ABHD5: variants seen among roughly 807,000 people sequenced by gnomAD.
The protein encoded by ABHD5 is 1-acylglycerol-3-phosphate O-acyltransferase ABHD5.
Under a neutral mutation model 44.9 loss-of-function variants are expected in ABHD5, and 30 were observed. That is an observed-to-expected ratio of 0.67 (90% CI 0.50 to 0.91). ABHD5 has a LOEUF of 0.91. Ranked by LOEUF, ABHD5 falls within the 40% of genes least tolerant of loss-of-function variation. The pLI is 0.00. For synonymous variants in ABHD5, 167 were observed against 147.0 expected (o/e 1.14, Z -0.99); for missense variants, 399 against 423.4 (o/e 0.94, Z 0.50).
Position 43,691,000 on chromosome 3 carries a change from C to CGGAGGA in ABHD5, c.17_22dup (p.Glu6_Glu7dup). The CGGAGGA allele has an allele frequency of 1.9e-6, 3 of 1,571,488 alleles. No individual in the cohort carries two copies. Among genetic ancestry groups the CGGAGGA allele is most frequent in the South Asian group, 2.3e-5 (2 of 86,988 alleles). ...GCTTGCGCGGCGGCGGCTATGGCGG[C>CGGAGGA]GGAGGAGGAGGAGGTGGACTCTGCC... On this transcript the variant is annotated inframe_insertion, in exon 1 of 7. Coordinates refer to ENST00000644371, the MANE Select transcript of ABHD5 (RefSeq NM_016006.6).
intron 7 of ABHD5, among the ~76,000 whole-genome samples, chr3:43,731,300 G>A (rs2084911421): frequency 6.6e-6 from 1 of 152,224 alleles, no homozygotes; most frequent in South Asian, 2.1e-4. Context: ...AGGAGACATA[G>A]AAAGTTTCAA....
intron 5 of ABHD5, 71 bp from the exon 6 acceptor site, chr3:43,717,600 A>G: frequency 6.7e-7 from 1 of 1,496,194 alleles, no homozygotes; most frequent in Admixed American, 1.7e-5. Context: ...ATGTGTTTTG[A>G]TAGAAGTGAC....
At chr3:43,700,825 C>T (rs543407380) in intron 2 of ABHD5, among the ~76,000 whole-genome samples, 13 of 152,174 alleles carry the variant, frequency 8.5e-5, no homozygotes, top group African/African-American at 2.9e-4. Context: ...CCACCTGCCT[C>T]GGCCTCCCAA....
intron 3 of ABHD5, among the ~76,000 whole-genome samples, chr3:43,705,639 T>C (rs2084609017): frequency 6.6e-6 from 1 of 152,226 alleles, no homozygotes; most frequent in Non-Finnish European, 1.5e-5. Context: ...TTGTAGCATA[T>C]AATATAGGAA....
chr3:43,694,748 T>C (rs1014475871), intron 1 of ABHD5, among the ~76,000 whole-genome samples: 1 of 152,180 alleles, frequency 6.6e-6, no homozygotes, highest in African/African-American at 2.4e-5. Context: ...TATTAATTAA[T>C]GTGTTAACAT....
Position 43,708,800 on chromosome 3 carries a change from C to A in ABHD5, c.507-2909C>A, listed in dbSNP as rs1431066356. ...ATGTTCAAACTTTTTTTACTATAGC[C>A]CTTCTATATTGTTTGGAATAGAAAA... On this transcript the variant is annotated intron_variant, in intron 3 of 6. Transcript: ENST00000644371. Among the ~76,000 whole-genome samples, 28 of 151,926 alleles carry A rather than the reference C, an allele frequency of 1.8e-4. 1 individual carries two copies. Among genetic ancestry groups the A allele is most frequent in the Non-Finnish European group, 4.4e-5 (3 of 67,966 alleles).
chr3:43,702,715 C>G (rs903318095), intron 3 of ABHD5, 128 bp downstream of exon 3: 2 of 1,273,794 alleles, frequency 1.6e-6, no homozygotes, highest in Non-Finnish European at 2.3e-6. Flanking sequence ...CCCTATAGAC[C>G]ACACCACAAC....
chr3:43,714,376 G>A (rs1349665660), intron 4 of ABHD5, among the ~76,000 whole-genome samples: 15 of 151,992 alleles, frequency 9.9e-5, no homozygotes, highest in African/African-American at 2.9e-4. Flanking sequence ...CTTGTGATCC[G>A]CCCACCTCGG....
intron 7 of ABHD5, among the ~76,000 whole-genome samples, chr3:43,730,419 G>A (rs1575611533): frequency 6.6e-6 from 1 of 150,944 alleles, no homozygotes; most frequent in African/African-American, 2.4e-5. Context: ...TCCTGGATCT[G>A]TCTTCCATCT....
At position 43,711,915 on chromosome 3, in the gene ABHD5, C is replaced by T. The variant is rs1458428548; in HGVS notation, c.661+52C>T. 5.0e-6 allele frequency: 8 copies of T among 1,609,732 alleles called. No individual in the cohort carries two copies. The East Asian group carries it at 1.6e-4, about 31-fold the overall frequency. On this transcript the variant is annotated intron_variant, in intron 4 of 6. Coordinates refer to ENST00000644371, the MANE Select transcript of ABHD5 (RefSeq NM_016006.6). ...AAATGTTTGTAAGTTATGAGAAGAG[C>T]AGAATTCACTATTGTTAGTCAAAAT...
At chr3:43,702,650 C>T in intron 3 of ABHD5, 63 bp downstream of exon 3, 1 of 1,612,736 alleles carries the variant, frequency 6.2e-7, no homozygotes, top group Non-Finnish European at 8.5e-7. Flanking sequence ...ACTCTAGTTC[C>T]CATCTTTGGT....
intron 7 of ABHD5, among the ~76,000 whole-genome samples, chr3:43,732,605 T>A (rs1697258522): frequency 1.3e-5 from 2 of 152,194 alleles, no homozygotes; most frequent in South Asian, 2.1e-4. Context: ...ACTGATTAAT[T>A]AGAACTAATT....
chr3:43,726,573 T>C (rs2084879426), downstream of ABHD5, among the ~76,000 whole-genome samples: 1 of 152,198 alleles, frequency 6.6e-6, no homozygotes, highest in Non-Finnish European at 1.5e-5. Context: ...GGGAGCATCT[T>C]TGTGATGCAC....
At chr3:43,695,099 C>G (rs996555029) in intron 1 of ABHD5, 6 of 152,392 alleles carry the variant, frequency 3.9e-5, no homozygotes, top group Admixed American at 6.5e-5. Flanking sequence ...TGCCAGGCAG[C>G]TGGTCTTGAC....
rs553874296 is a variant in ABHD5, at chr3:43,717,902, C to T, written c.960+45C>T. 3.1e-5 allele frequency: 50 copies of T among 1,610,202 alleles called. No homozygotes were observed. In the East Asian group the frequency reaches 8.9e-4, roughly 29 times the overall value. ...TGGGTTTTTAGGTATAGGTGAGGTCCGTTTTATTATCTCCCTTAAAAGAGG... is the reference window on the plus strand; with the variant it reads ...TGGGTTTTTAGGTATAGGTGAGGTCTGTTTTATTATCTCCCTTAAAAGAGG... On this transcript the variant is annotated intron_variant, in intron 6 of 6. Coordinates refer to ENST00000644371, the MANE Select transcript of ABHD5 (RefSeq NM_016006.6).
At chr3:43,705,259 A>G (rs2084601645) in intron 3 of ABHD5, among the ~76,000 whole-genome samples, 1 of 152,188 alleles carries the variant, frequency 6.6e-6, no homozygotes, top group Admixed American at 6.5e-5. Flanking sequence ...TATCTTTCTA[A>G]TTTATTTTTG....
intron 4 of ABHD5, among the ~76,000 whole-genome samples, chr3:43,713,817 G>T (rs963122690): frequency 6.6e-6 from 1 of 152,148 alleles, no homozygotes; most frequent in Admixed American, 6.5e-5. Flanking sequence ...GGACACCTAG[G>T]AGAGGCTCTT....
chr3:43,692,122 G>T (rs761783905), intron 1 of ABHD5, among the ~76,000 whole-genome samples: 2 of 152,058 alleles, frequency 1.3e-5, no homozygotes, highest in African/African-American at 2.4e-5. Context: ...TTTTGACGTC[G>T]GTTCTACTTC....
At chr3:43,700,801 T>TG (rs2084533098) in intron 2 of ABHD5, among the ~76,000 whole-genome samples, 1 of 152,148 alleles carries the variant, frequency 6.6e-6, no homozygotes, top group South Asian at 2.1e-4. Context: ...CTTGAACTCC[T>TG]GACCTCAGGT....
Sources: gnomAD v4.1 joint callset for allele counts (sites outside exome capture counted in the v4.1 genomes callset) on GRCh38, gnomAD v4.1.1 for gene constraint, MANE v1.5 for transcripts, NCBI Gene and HGNC (gene_info 2026-07-23, HGNC 2026-07-21) for gene names.